Variants in LTBP1 observed in about 807,000 individuals in gnomAD.
LTBP1 encodes the protein latent transforming growth factor beta binding protein 1.
A neutral mutation model predicts 207.6 loss-of-function variants in LTBP1; 129 were observed. The ratio of observed to expected loss-of-function variants is 0.62; its 90% CI spans 0.54 to 0.72. The LOEUF is 0.72. LTBP1 is among the 30% of genes least tolerant of loss of function. LTBP1 has a pLI of 0.00. For synonymous variants in LTBP1, 963 were observed against 833.7 expected (o/e 1.16, Z -2.67); for missense variants, 2,281 against 2,217.2 (o/e 1.03, Z -0.58).
In LTBP1 at chr2:33,342,973, T is replaced by C. The variant is rs1163551109; in HGVS notation, c.3856+10T>C. On this transcript the variant is annotated intron_variant, in intron 25 of 33. Coordinates refer to ENST00000404816, the MANE Select transcript of LTBP1 (RefSeq NM_206943.4). Reference sequence around the variant, plus strand: ...GGGCAAGGGTGTGTGGGTGAGTTTTTAGATTTTTTCCCAACGTGTTTCACA... The same window carrying C: ...GGGCAAGGGTGTGTGGGTGAGTTTTCAGATTTTTTCCCAACGTGTTTCACA... 4 of 1,606,590 alleles carry C rather than the reference T, an allele frequency of 2.5e-6. No homozygotes were observed. Among genetic ancestry groups the C allele is most frequent in the Non-Finnish European group, 3.4e-6 (4 of 1,176,318 alleles).
intron 31 of LTBP1, 115 bp from the exon 32 acceptor site, chr2:33,389,069 T>C (rs1027255229): frequency 2.1e-6 from 3 of 1,421,216 alleles, no homozygotes; most frequent in African/African-American, 2.8e-5. Context: ...ACGCAGGAGA[T>C]GGAGACACAC....
intron 31 of LTBP1, among the ~76,000 whole-genome samples, chr2:33,366,749 CA>C (rs1380212932): frequency 3.9e-5 from 6 of 152,266 alleles, no homozygotes; most frequent in African/African-American, 1.4e-4. Flanking sequence ...GTAGGTAGAG[CA>C]GGGGGTAATT....
chr2:33,321,501 C>G (rs2094354012), intron 24 of LTBP1, among the ~76,000 whole-genome samples: 1 of 152,138 alleles, frequency 6.6e-6, no homozygotes, highest in Admixed American at 6.5e-5. Context: ...AAATTGGGAG[C>G]AGACGTGGGG....
At chr2:33,162,386 A>G (rs565802992) in intron 5 of LTBP1, among the ~76,000 whole-genome samples, 4 of 152,318 alleles carry the variant, frequency 2.6e-5, no homozygotes, top group Admixed American at 6.5e-5. Context: ...TCTAATAATT[A>G]CTTAGGAAAT....
At chr2:33,380,993 GA>G (rs1242283250) in intron 31 of LTBP1, among the ~76,000 whole-genome samples, 2 of 152,176 alleles carry the variant, frequency 1.3e-5, no homozygotes, top group African/African-American at 4.8e-5. Context: ...AAGGGGAAAT[GA>G]AGTGGTTTAC....
intron 19 of LTBP1, among the ~76,000 whole-genome samples, chr2:33,288,592 A>C (rs2093711374): frequency 6.6e-6 from 1 of 152,142 alleles, no homozygotes; most frequent in Non-Finnish European, 1.5e-5. Context: ...GCGGTGGCTC[A>C]CGCCTGTAAT....
chr2:33,110,269 G>A (rs1371093004), intron 3 of LTBP1, among the ~76,000 whole-genome samples: 1 of 152,166 alleles, frequency 6.6e-6, no homozygotes, highest in African/African-American at 2.4e-5. Flanking sequence ...TAAATGCCAT[G>A]TTTTTGTGTG....
chr2:33,226,696 T>G (rs2091456083), intron 9 of LTBP1, among the ~76,000 whole-genome samples: 1 of 152,180 alleles, frequency 6.6e-6, no homozygotes, highest in African/African-American at 2.4e-5. Context: ...TAAGATAACT[T>G]CTGGGTCACT....
At position 33,186,848 on chromosome 2, in the gene LTBP1, C is replaced by G; in HGVS notation, c.1202-8C>G. The G allele has an allele frequency of 6.2e-7, 1 of 1,609,634 alleles. No individual in the cohort carries two copies. The highest frequency in any genetic ancestry group is 8.5e-7 in the Non-Finnish European group (1 of 1,176,000). On this transcript the variant is annotated splice_region_variant and splice_polypyrimidine_tract_variant and intron_variant, in intron 5 of 33. Transcript: ENST00000404816. ...CCAACTCTCCATGTTTTCTCTTTTC[C>G]CTTTTAGTAATTTGCCATCTTCCAT...
intron 5 of LTBP1, among the ~76,000 whole-genome samples, chr2:33,175,051 AC>A (rs1380464725): frequency 2.0e-5 from 3 of 152,182 alleles, no homozygotes; most frequent in Non-Finnish European, 4.4e-5. Flanking sequence ...AACCATAGAA[AC>A]CCTAGAAGAA....
intron 2 of LTBP1, among the ~76,000 whole-genome samples, chr2:33,018,049 C>A (rs1688632676): frequency 1.3e-5 from 2 of 151,960 alleles, no homozygotes; most frequent in Non-Finnish European, 2.9e-5. Context: ...TCCTAATTGT[C>A]CTTTTAAAAT....
intron 9 of LTBP1, among the ~76,000 whole-genome samples, chr2:33,239,536 A>G (rs1402086057): frequency 6.6e-6 from 1 of 152,130 alleles, no homozygotes; most frequent in Non-Finnish European, 1.5e-5. Flanking sequence ...TTCAAACTAA[A>G]TATTAAAATA....
chr2:33,180,139 GTTGTT>G (rs1389974170), intron 5 of LTBP1, among the ~76,000 whole-genome samples: 2 of 152,154 alleles, frequency 1.3e-5, no homozygotes, highest in African/African-American at 4.8e-5. Context: ...CCTTGGACAG[GTTGTT>G]CTGGATCACC....
intron 12 of LTBP1, among the ~76,000 whole-genome samples, chr2:33,259,007 A>C (rs987049393): frequency 6.6e-6 from 1 of 152,228 alleles, no homozygotes; most frequent in Non-Finnish European, 1.5e-5. Context: ...ATTGATGCTA[A>C]TCTCTAATTG....
chr2:33,204,128 A>G (rs541621944), intron 7 of LTBP1, among the ~76,000 whole-genome samples: 112 of 152,320 alleles, frequency 7.4e-4, no homozygotes, highest in African/African-American at 2.5e-3. Context: ...TTTTTGCCGT[A>G]TATTGAAGAG....
At chr2:33,123,445 T>G (rs1286106452) in intron 4 of LTBP1, among the ~76,000 whole-genome samples, 2 of 152,110 alleles carry the variant, frequency 1.3e-5, no homozygotes, top group Non-Finnish European at 2.9e-5. Context: ...TGTGTGTAAG[T>G]ACATAGCAGG....
At chr2:33,389,044 T>A (rs574235537) in intron 31 of LTBP1, 140 bp from the exon 32 acceptor site, 15 of 1,183,256 alleles carry the variant, frequency 1.3e-5, no homozygotes, top group Non-Finnish European at 1.7e-5. Context: ...TCAGACACTT[T>A]CCAGGCTCAG....
At chr2:33,364,417 C>G in intron 30 of LTBP1, 61 bp downstream of exon 30, 1 of 1,510,058 alleles carries the variant, frequency 6.6e-7, no homozygotes, top group Non-Finnish European at 8.9e-7. Context: ...TTCCTTTTAA[C>G]TAAAATGTGA....
At chr2:33,288,635 C>CA (rs1336468327) in intron 19 of LTBP1, among the ~76,000 whole-genome samples, 4 of 152,078 alleles carry the variant, frequency 2.6e-5, no homozygotes, top group Non-Finnish European at 5.9e-5. Flanking sequence ...GCGGGCAGAT[C>CA]ACAAGGTCAG....
Sources: gnomAD v4.1 joint callset for allele counts (sites outside exome capture counted in the v4.1 genomes callset) on GRCh38, gnomAD v4.1.1 for gene constraint, MANE v1.5 for transcripts, NCBI Gene and HGNC (gene_info 2026-07-23, HGNC 2026-07-21) for gene names.